Variants in CSMD1 observed in about 807,000 individuals in gnomAD.
CSMD1 encodes CUB and Sushi multiple domains 1, also known as CUB and sushi domain-containing protein 1.
In CSMD1, 213 loss-of-function variants were observed where a neutral mutation model predicts 417.5. The observed-to-expected ratio is 0.51, with a 90% CI of 0.46 to 0.57. CSMD1 has a LOEUF of 0.57. CSMD1 is among the 20% of genes least tolerant of loss of function. CSMD1 has a pLI of 0.00. For missense variants in CSMD1, 6,923 were observed against 4,529.7 expected, an observed-to-expected ratio of 1.53 and a Z score of -15.17; for synonymous variants, 2,862 against 1,736.8, an observed-to-expected ratio of 1.65 and a Z score of -16.11.
intron 1 of CSMD1, among the ~76,000 whole-genome samples, chr8:4,843,622 A>G (rs1187229486): frequency 6.6e-6 from 1 of 152,144 alleles, no homozygotes; most frequent in Non-Finnish European, 1.5e-5. Flanking sequence ...TCTGTTTTCT[A>G]TGGACCTAGG....
At chr8:3,613,839 T>A (rs149336954) in intron 8 of CSMD1, among the ~76,000 whole-genome samples, 8 of 152,022 alleles carry the variant, frequency 5.3e-5, no homozygotes, top group African/African-American at 1.9e-4. Flanking sequence ...GCCAGAACAC[T>A]TTCCACCTAA....
intron 2 of CSMD1, among the ~76,000 whole-genome samples, chr8:4,484,740 C>T (rs796782938): frequency 1.1e-4 from 17 of 151,902 alleles, no homozygotes; most frequent in Middle Eastern, 3.2e-3. Context: ...GAGGCAGAGA[C>T]GGGCGGATCA....
intron 3 of CSMD1, among the ~76,000 whole-genome samples, chr8:4,268,839 G>A (rs1353167138): frequency 6.6e-6 from 1 of 151,900 alleles, no homozygotes; most frequent in African/African-American, 2.4e-5. Context: ...ATCTTAATAT[G>A]GGAGAGATTT....
intron 26 of CSMD1, among the ~76,000 whole-genome samples, chr8:3,269,021 C>G (rs1801643824): frequency 6.6e-6 from 1 of 152,192 alleles, no homozygotes; most frequent in South Asian, 2.1e-4. Context: ...TGTCTTGATT[C>G]TCTCCTTCGA....
intron 10 of CSMD1, chr8:3,515,189 T>C (rs1797235518): frequency 6.6e-6 from 1 of 152,202 alleles, no homozygotes; most frequent in Non-Finnish European, 1.5e-5. Context: ...CTATGAAATT[T>C]TAAAGATTTG....
At chr8:4,939,904 C>T (rs1365453246) in intron 1 of CSMD1, among the ~76,000 whole-genome samples, 1 of 151,942 alleles carries the variant, frequency 6.6e-6, no homozygotes, top group Non-Finnish European at 1.5e-5. Flanking sequence ...GGTTGTGTAC[C>T]ATAAATATAT....
chr8:4,197,961 G>A (rs1008723438), intron 3 of CSMD1, among the ~76,000 whole-genome samples: 1 of 152,096 alleles, frequency 6.6e-6, no homozygotes, highest in Non-Finnish European at 1.5e-5. Context: ...CTATTCATTG[G>A]CTTGACTCTG....
At chr8:3,388,041 T>A (rs995523591) in intron 17 of CSMD1, among the ~76,000 whole-genome samples, 1 of 152,226 alleles carries the variant, frequency 6.6e-6, no homozygotes, top group Non-Finnish European at 1.5e-5. Context: ...TCTCCCTGTG[T>A]CTTATATATG....
chr8:4,592,253 A>G (rs1800027966), intron 2 of CSMD1, among the ~76,000 whole-genome samples: 2 of 151,458 alleles, frequency 1.3e-5, no homozygotes, highest in African/African-American at 2.4e-5. Flanking sequence ...TGCAGTAACT[A>G]AAGTGTCCAG....
chr8:4,825,521 G>C (rs546301927), intron 1 of CSMD1, among the ~76,000 whole-genome samples: 1 of 151,756 alleles, frequency 6.6e-6, no homozygotes, highest in Non-Finnish European at 1.5e-5. Flanking sequence ...CTGGCCCCTG[G>C]TAAACACAAT....
At chr8:4,538,884 A>G (rs1196360599) in intron 2 of CSMD1, among the ~76,000 whole-genome samples, 1 of 152,188 alleles carries the variant, frequency 6.6e-6, no homozygotes, top group Non-Finnish European at 1.5e-5. Flanking sequence ...TTGCTTACCA[A>G]AGTTCCCCTT....
intron 3 of CSMD1, among the ~76,000 whole-genome samples, chr8:4,214,887 T>C (rs1038930152): frequency 6.6e-6 from 1 of 152,152 alleles, no homozygotes; most frequent in Non-Finnish European, 1.5e-5. Context: ...AAAATGTATA[T>C]TCTTTTTTAA....
chr8:4,565,516 C>T (rs1371913789), intron 2 of CSMD1, among the ~76,000 whole-genome samples: 1 of 151,916 alleles, frequency 6.6e-6, no homozygotes, highest in Non-Finnish European at 1.5e-5. Context: ...GGTGGGCGAT[C>T]ACAAGGTCAG....
intron 54 of CSMD1, among the ~76,000 whole-genome samples, chr8:2,994,220 A>G (rs1436346214): frequency 9.9e-5 from 15 of 151,786 alleles, no homozygotes; most frequent in Admixed American, 9.9e-4. Context: ...TAAGAAAACA[A>G]CATTCAAACA....
rs1797017646 is a variant in CSMD1, at chr8:4,417,640, G to C, written c.415+2313C>G. ...ATTATTTGACTCATACCAATTACTT[G>C]GTGGGTCAAATAACAGGATCCGTGG... On this transcript the variant is annotated intron_variant, in intron 3 of 69. Transcript: ENST00000635120. 1.3e-5 allele frequency among the ~76,000 whole-genome samples: 2 copies of C among 151,754 alleles called. 1 individual carries two copies. Among genetic ancestry groups the C allele is most frequent in the Non-Finnish European group, 2.9e-5 (2 of 67,856 alleles).
At chr8:4,883,347 A>G (rs1405037561) in intron 1 of CSMD1, among the ~76,000 whole-genome samples, 2 of 152,140 alleles carry the variant, frequency 1.3e-5, no homozygotes, top group Non-Finnish European at 2.9e-5. Context: ...TATAATTTAC[A>G]TATCATAAAA....
intron 5 of CSMD1, among the ~76,000 whole-genome samples, chr8:3,937,041 C>A (rs998309871): frequency 3.9e-5 from 6 of 152,122 alleles, no homozygotes; most frequent in African/African-American, 1.4e-4. Flanking sequence ...TAACTTCAGA[C>A]ATGTTGAAAA....
At chr8:3,903,411 G>A (rs1419221264) in intron 5 of CSMD1, among the ~76,000 whole-genome samples, 1 of 151,998 alleles carries the variant, frequency 6.6e-6, no homozygotes, top group Non-Finnish European at 1.5e-5. Context: ...CAATGCCAGA[G>A]CATTAATATT....
intron 1 of CSMD1, among the ~76,000 whole-genome samples, chr8:4,827,057 G>A (rs773791805): frequency 6.6e-6 from 1 of 152,022 alleles, no homozygotes; most frequent in Non-Finnish European, 1.5e-5. Flanking sequence ...AACAGACTAA[G>A]AACAGGGAAA....
Sources: gnomAD v4.1 joint callset for allele counts (sites outside exome capture counted in the v4.1 genomes callset) on GRCh38, gnomAD v4.1.1 for gene constraint, MANE v1.5 for transcripts, NCBI Gene and HGNC (gene_info 2026-07-23, HGNC 2026-07-21) for gene names.